The following TBC1D5 variants were observed in gnomAD, a reference collection of about 807,000 sequenced individuals.
TBC1D5 encodes the protein TBC1 domain family, member 5.
In TBC1D5, 75 loss-of-function variants were observed where a neutral mutation model predicts 100.3. The observed-to-expected ratio is 0.75, with a 90% CI of 0.62 to 0.91. The LOEUF (loss-of-function observed/expected upper bound fraction) is 0.91. Among genes scored for constraint, TBC1D5 ranks in the 40% least tolerant of loss-of-function variants. The probability of loss-of-function intolerance (pLI) is 0.00; values close to 1 mark genes in which losing one functional copy is unlikely to be tolerated. For missense variants in TBC1D5, 910 were observed against 942.4 expected, an observed-to-expected ratio of 0.97 and a Z score of 0.45; for synonymous variants, 323 against 325.6, an observed-to-expected ratio of 0.99 and a Z score of 0.09.
intron 1 of TBC1D5, chr3:17,663,104 AT>A (rs1218759816): frequency 6.6e-6 from 1 of 152,190 alleles, no homozygotes; most frequent in Non-Finnish European, 1.5e-5. Flanking sequence ...TGTATGTACA[AT>A]GAGGTCTGCA....
chr3:17,497,255 TATA>T (rs1282744935), intron 3 of TBC1D5, among the ~76,000 whole-genome samples: 2 of 152,164 alleles, frequency 1.3e-5, no homozygotes, highest in African/African-American at 4.8e-5. Context: ...TGTCACTCAC[TATA>T]ATATCACCCT....
chr3:17,709,547 G>C (rs2074506192), intron 1 of TBC1D5, among the ~76,000 whole-genome samples: 1 of 152,018 alleles, frequency 6.6e-6, no homozygotes, highest in African/African-American at 2.4e-5. Context: ...ACTCTCACTT[G>C]GATAAGCAAT....
intron 1 of TBC1D5, among the ~76,000 whole-genome samples, chr3:17,638,757 C>T (rs1428803180): frequency 1.3e-5 from 2 of 151,884 alleles, no homozygotes; most frequent in Non-Finnish European, 2.9e-5. Context: ...CATTTCATAG[C>T]AGTGAATAAG....
chr3:17,655,630 C>T (rs1577263092), intron 1 of TBC1D5, among the ~76,000 whole-genome samples: 1 of 152,042 alleles, frequency 6.6e-6, no homozygotes, highest in African/African-American at 2.4e-5. Flanking sequence ...GGTTGAGGAT[C>T]CCTAATCCGA....
At chr3:17,189,922 T>A (rs2069655650) in intron 18 of TBC1D5, among the ~76,000 whole-genome samples, 1 of 152,262 alleles carries the variant, frequency 6.6e-6, no homozygotes, top group African/African-American at 2.4e-5. Flanking sequence ...GTTTGTTGAA[T>A]GATTTTCTTT....
chr3:17,394,015 A>G (rs1299195646), intron 8 of TBC1D5, among the ~76,000 whole-genome samples: 1 of 152,164 alleles, frequency 6.6e-6, no homozygotes, highest in Non-Finnish European at 1.5e-5. Context: ...AGCAAAAGAA[A>G]CTATCATCAG....
chr3:17,718,049 G>A (rs1456004790), intron 1 of TBC1D5, among the ~76,000 whole-genome samples: 1 of 152,100 alleles, frequency 6.6e-6, no homozygotes, highest in Non-Finnish European at 1.5e-5. Flanking sequence ...AATAAGACAA[G>A]ATAGGAAGGG....
At chr3:17,350,036 G>T (rs1477522573) in intron 13 of TBC1D5, among the ~76,000 whole-genome samples, 1 of 152,118 alleles carries the variant, frequency 6.6e-6, no homozygotes, top group East Asian at 1.9e-4. Context: ...TTTACTGCAA[G>T]AGTGGAGAAT....
intron 1 of TBC1D5, among the ~76,000 whole-genome samples, chr3:17,713,466 A>AGTCCTG (rs546683790): frequency 1.1e-3 from 168 of 152,166 alleles, no homozygotes; most frequent in Non-Finnish European, 1.8e-3. Flanking sequence ...ATGGTCTCAA[A>AGTCCTG]GTCCTGACCT....
chr3:17,618,992 T>C (rs2062425234), intron 2 of TBC1D5, among the ~76,000 whole-genome samples: 1 of 152,182 alleles, frequency 6.6e-6, no homozygotes, highest in Non-Finnish European at 1.5e-5. Context: ...TTCATCACAC[T>C]TGGAGCTGCA....
At chr3:17,486,525 A>C (rs1319493915) in intron 3 of TBC1D5, among the ~76,000 whole-genome samples, 1 of 152,196 alleles carries the variant, frequency 6.6e-6, no homozygotes, top group Non-Finnish European at 1.5e-5. Flanking sequence ...ACAGTACATG[A>C]GTAGTAGTGA....
chr3:17,558,657 T>C (rs1165167867), intron 2 of TBC1D5, among the ~76,000 whole-genome samples: 1 of 152,192 alleles, frequency 6.6e-6, no homozygotes, highest in African/African-American at 2.4e-5. Context: ...CAGCTAGGTA[T>C]TGGCAACATT....
chr3:17,356,087 A>C (rs1354677372), intron 13 of TBC1D5, among the ~76,000 whole-genome samples: 1 of 152,136 alleles, frequency 6.6e-6, no homozygotes, highest in Non-Finnish European at 1.5e-5. Context: ...GTTGGTTAAA[A>C]TTTTTGGTTT....
At chr3:17,160,015 C>G (rs961724950) in exon 22 of TBC1D5, 1 of 152,186 alleles carries the variant, frequency 6.6e-6, no homozygotes, top group Non-Finnish European at 1.5e-5. Context: ...CAGGTATATA[C>G]AGCTCTGAAA....
intron 13 of TBC1D5, among the ~76,000 whole-genome samples, chr3:17,327,336 T>C (rs1376540007): frequency 1.3e-5 from 2 of 152,236 alleles, no homozygotes; most frequent in Non-Finnish European, 2.9e-5. Context: ...TTTCAAAAGA[T>C]AAGTCAGGCG....
At chr3:17,653,520 A>G (rs2065781917) in intron 1 of TBC1D5, among the ~76,000 whole-genome samples, 2 of 152,070 alleles carry the variant, frequency 1.3e-5, no homozygotes, top group Admixed American at 1.3e-4. Context: ...GTACTATCCA[A>G]AAGTCTGAAG....
intron 2 of TBC1D5, among the ~76,000 whole-genome samples, chr3:17,532,538 T>C (rs1192554221): frequency 3.9e-5 from 6 of 152,278 alleles, no homozygotes; most frequent in Middle Eastern, 3.4e-3. Context: ...CATGCACACG[T>C]ATGTTTATTG....
chr3:17,289,346 G>A (rs1246537258), intron 15 of TBC1D5, among the ~76,000 whole-genome samples: 2 of 152,118 alleles, frequency 1.3e-5, no homozygotes, highest in East Asian at 1.9e-4. Context: ...GCTGAGTGAG[G>A]CCCTGGGTGG....
chr3:17,490,305 A>G (rs1261361741), intron 3 of TBC1D5, among the ~76,000 whole-genome samples: 1 of 152,128 alleles, frequency 6.6e-6, no homozygotes, highest in African/African-American at 2.4e-5. Flanking sequence ...CGCTGATGAT[A>G]GTTTCTTCTG....
Sources: allele counts gnomAD v4.1 joint callset (sites outside exome capture counted in the v4.1 genomes callset), GRCh38; gene constraint gnomAD v4.1.1; transcripts MANE v1.5; gene names NCBI Gene and HGNC (gene_info 2026-07-23, HGNC 2026-07-21).